Variants in ABLIM1 observed in about 807,000 individuals in gnomAD.
ABLIM1 encodes actin binding LIM protein 1.
A neutral mutation model predicts 107.0 loss-of-function variants in ABLIM1; 40 were observed. The ratio of observed to expected loss-of-function variants is 0.37; its 90% CI spans 0.29 to 0.49. The LOEUF is 0.49. ABLIM1 is among the 20% of genes least tolerant of loss of function. ABLIM1 has a pLI of 0.97. For missense variants in ABLIM1, 857 were observed against 1,008.5 expected (o/e 0.85, Z 2.04); for synonymous variants, 357 against 357.3 (o/e 1.00, Z 0.01).
At chr10:114,508,057 T>C (rs2061389204) in intron 6 of ABLIM1, among the ~76,000 whole-genome samples, 1 of 152,232 alleles carries the variant, frequency 6.6e-6, no homozygotes, top group Non-Finnish European at 1.5e-5. Context: ...TCCATCCCCG[T>C]TGCTCAGCAG....
chr10:114,461,120 G>A (rs1284798505), intron 12 of ABLIM1, among the ~76,000 whole-genome samples: 1 of 151,476 alleles, frequency 6.6e-6, no homozygotes, highest in African/African-American at 2.4e-5. Context: ...CTGGAGTGCA[G>A]TGGCTCGATC....
chr10:114,464,691 A>C (rs2064769220), intron 12 of ABLIM1, among the ~76,000 whole-genome samples: 1 of 152,260 alleles, frequency 6.6e-6, no homozygotes, highest in Admixed American at 6.5e-5. Flanking sequence ...AATAGTTTGA[A>C]TTCTCTACGA....
chr10:114,598,274 CAAAA>C (rs58133284), intron 2 of ABLIM1, among the ~76,000 whole-genome samples: 14 of 63,812 alleles, frequency 2.2e-4, no homozygotes, highest in African/African-American at 8.5e-4. Context: ...AACTCCATCT[CAAAA>C]AAAAAAAAAA....
intron 1 of ABLIM1, among the ~76,000 whole-genome samples, chr10:114,705,303 T>C (rs1449308921): frequency 2.6e-5 from 4 of 152,166 alleles, no homozygotes; most frequent in Non-Finnish European, 5.9e-5. Context: ...ATAAAGTTTA[T>C]TGATAAAGAC....
intron 1 of ABLIM1, among the ~76,000 whole-genome samples, chr10:114,634,467 C>G (rs59738549): frequency 0.082 from 12,450 of 152,130 alleles, 1,148 homozygotes; most frequent in African/African-American, 0.23. Context: ...CAGTTTAAAA[C>G]TCTGAGATTT....
intron 1 of ABLIM1, among the ~76,000 whole-genome samples, chr10:114,727,364 A>G (rs2081981910): frequency 1.3e-5 from 2 of 152,226 alleles, no homozygotes; most frequent in African/African-American, 4.8e-5. Context: ...GAAGATGTGA[A>G]ACAAATGCAA....
chr10:114,773,771 T>G, the ABLIM1 span, among the ~76,000 whole-genome samples: 1 of 151,828 alleles, frequency 6.6e-6, no homozygotes, highest in Non-Finnish European at 1.5e-5. Context: ...AAAAATATCT[T>G]TCAAAAATGA....
At chr10:114,588,870 C>T (rs921151918) in intron 2 of ABLIM1, among the ~76,000 whole-genome samples, 3 of 152,092 alleles carry the variant, frequency 2.0e-5, no homozygotes, top group Non-Finnish European at 4.4e-5. Context: ...CACCCCACTA[C>T]CAATTCAAGC....
chr10:114,448,776 G>A (rs2061431982), intron 14 of ABLIM1, among the ~76,000 whole-genome samples: 1 of 152,084 alleles, frequency 6.6e-6, no homozygotes, highest in Non-Finnish European at 1.5e-5. Flanking sequence ...ACCATGCCCA[G>A]CTGATTTTTG....
At chr10:114,542,419 A>G (rs1347034721) in intron 6 of ABLIM1, among the ~76,000 whole-genome samples, 3 of 149,726 alleles carry the variant, frequency 2.0e-5, no homozygotes, top group Non-Finnish European at 4.4e-5. Flanking sequence ...CTAAAAAAAA[A>G]AAAGAAAGAA....
At chr10:114,746,716 C>T (rs960216777) in intron 1 of ABLIM1, among the ~76,000 whole-genome samples, 1 of 152,204 alleles carries the variant, frequency 6.6e-6, no homozygotes, top group Admixed American at 6.5e-5. Flanking sequence ...TCCTCACCAA[C>T]GCTCATCTTC....
intron 1 of ABLIM1, among the ~76,000 whole-genome samples, chr10:114,749,621 C>G (rs2082467678): frequency 6.6e-6 from 1 of 152,076 alleles, no homozygotes; most frequent in South Asian, 2.1e-4. Flanking sequence ...TGCTCAACAC[C>G]CTTGAGTGGT....
chr10:114,478,872 T>G (rs904747896), intron 8 of ABLIM1, among the ~76,000 whole-genome samples: 9 of 152,212 alleles, frequency 5.9e-5, no homozygotes, highest in African/African-American at 2.2e-4. Flanking sequence ...TGTTTGCAGG[T>G]TGAGTTGCAT....
At chr10:114,508,107 C>G (rs1273450166) in intron 6 of ABLIM1, among the ~76,000 whole-genome samples, 2 of 152,210 alleles carry the variant, frequency 1.3e-5, no homozygotes, top group African/African-American at 4.8e-5. Context: ...TAAGGGCATT[C>G]AATTGAAATA....
intron 1 of ABLIM1, among the ~76,000 whole-genome samples, chr10:114,606,811 A>G (rs949695162): frequency 6.6e-6 from 1 of 152,110 alleles, no homozygotes; most frequent in Non-Finnish European, 1.5e-5. Context: ...GAATGAAGTG[A>G]CTCACCCAAG....
upstream of ABLIM1, among the ~76,000 whole-genome samples, chr10:114,768,816 C>CTGG (rs1253721996): frequency 5.9e-5 from 9 of 152,114 alleles, no homozygotes; most frequent in Admixed American, 4.6e-4. Flanking sequence ...AGAGTCGGGG[C>CTGG]TGGGCCGGGC....
At chr10:114,777,343 T>C in the ABLIM1 span, among the ~76,000 whole-genome samples, 1 of 152,228 alleles carries the variant, frequency 6.6e-6, no homozygotes, top group African/African-American at 2.4e-5. Flanking sequence ...ATTTTTTCTA[T>C]TTTGTTTAAC....
chr10:114,743,648 A>G (rs1180149687), intron 1 of ABLIM1, among the ~76,000 whole-genome samples: 2 of 152,240 alleles, frequency 1.3e-5, no homozygotes, highest in East Asian at 3.8e-4. Context: ...TGGGGAAGTT[A>G]CTGTGTTAGT....
rs1260041105 is a variant in ABLIM1 at position 114,715,134 on chromosome 10, A to G, written c.-213+52927T>C. ...TAATATTATCCTTAATAAACTCACT[A>G]ACTTTCATGTAAGTACAGAGTTTCT... On this transcript the variant is annotated intron_variant, in intron 1 of 15. Transcript: ENST00000651092. 2.6e-5 allele frequency among the ~76,000 whole-genome samples: 4 copies of G among 152,228 alleles called. No homozygotes were observed. In the East Asian group the frequency reaches 7.7e-4, roughly 29 times the overall value.
Sources: allele counts gnomAD v4.1 joint callset (sites outside exome capture counted in the v4.1 genomes callset), GRCh38; gene constraint gnomAD v4.1.1; transcripts MANE v1.5; gene names NCBI Gene and HGNC (gene_info 2026-07-23, HGNC 2026-07-21).